The following BMP2K variants were observed in gnomAD, a reference collection of about 807,000 sequenced individuals.
BMP2K encodes BMP2 inducible kinase, also known as BMP-2-inducible protein kinase.
BMP2K carries 74 observed loss-of-function variants against 116.0 expected under a neutral mutation model. The ratio of observed to expected loss-of-function variants is 0.64; its 90% CI spans 0.53 to 0.77. BMP2K has a LOEUF of 0.77. Among genes scored for constraint, BMP2K ranks in the 30% least tolerant of loss-of-function variants. The pLI, the probability that BMP2K is intolerant of heterozygous loss-of-function variation, is 0.00. For synonymous variants in BMP2K, 486 were observed against 502.5 expected (o/e 0.97, Z 0.44); for missense variants, 1,365 against 1,403.6 (o/e 0.97, Z 0.44).
At chr4:78,898,403 GA>G (rs1008178571) in intron 15 of BMP2K, among the ~76,000 whole-genome samples, 3 of 151,786 alleles carry the variant, frequency 2.0e-5, no homozygotes, top group African/African-American at 4.8e-5. Context: ...TATGATTCTT[GA>G]AGAACTTCAG....
rs1734889760 is a variant in BMP2K at position 78,914,659 on chromosome 4, G to A, written c.*2626G>A. ...TCAATAAAAGTTTGGCTCTATTATG[G>A]GATGGTTCAATTCTGGTTTAAGGAA... On this transcript the variant is annotated 3_prime_UTR_variant, in exon 16 of 16. Transcript: ENST00000502613. The A allele has an allele frequency of 6.6e-6, 1 of 151,110 alleles. No individual in the cohort carries two copies. The highest frequency in any genetic ancestry group is 1.5e-5 in the Non-Finnish European group (1 of 67,746). 9.4% of individuals were successfully genotyped at this position (151,110 alleles called of 1,614,324 possible). A position where few individuals can be genotyped will look rare whatever the true frequency, so the allele number is the denominator to read the frequency against.
intron 2 of BMP2K, among the ~76,000 whole-genome samples, chr4:78,832,609 CTT>C (rs1730262932): frequency 6.6e-6 from 1 of 152,096 alleles, no homozygotes; most frequent in Admixed American, 6.5e-5. Context: ...CTCTAACTAA[CTT>C]GAGTCAAGAT....
intron 13 of BMP2K, among the ~76,000 whole-genome samples, chr4:78,873,267 T>A (rs951427982): frequency 1.9e-4 from 29 of 152,246 alleles, no homozygotes; most frequent in African/African-American, 6.5e-4. Context: ...ATAGTATACA[T>A]ACTGTTACCG....
At chr4:78,815,163 G>A (rs1729278545) in intron 1 of BMP2K, among the ~76,000 whole-genome samples, 1 of 152,142 alleles carries the variant, frequency 6.6e-6, no homozygotes, top group Non-Finnish European at 1.5e-5. Flanking sequence ...ACTATGGTCA[G>A]TCGAAACTAT....
chr4:78,807,874 G>A (rs977105796), intron 1 of BMP2K, among the ~76,000 whole-genome samples: 4 of 151,864 alleles, frequency 2.6e-5, no homozygotes, highest in African/African-American at 4.8e-5. Context: ...TTTTATTCCT[G>A]ATTATATTAA....
intron 9 of BMP2K, among the ~76,000 whole-genome samples, chr4:78,864,632 A>T (rs187581371): frequency 1.5e-4 from 23 of 151,940 alleles, no homozygotes; most frequent in African/African-American, 5.3e-4. Context: ...AGATATTGGG[A>T]AATAACTGGA....
intron 14 of BMP2K, among the ~76,000 whole-genome samples, chr4:78,883,181 A>G (rs1179612206): frequency 3.3e-5 from 5 of 152,122 alleles, no homozygotes; most frequent in Non-Finnish European, 5.9e-5. Flanking sequence ...GGCAGGAGGT[A>G]AGTTTCTCAT....
chr4:78,801,249 A>G (rs1560505472), intron 1 of BMP2K, among the ~76,000 whole-genome samples: 1 of 152,054 alleles, frequency 6.6e-6, no homozygotes, highest in South Asian at 2.1e-4. Context: ...TCTTGTTTGA[A>G]TAGGTGGCCC....
chr4:78,828,293 G>A (rs1249310983), intron 2 of BMP2K, among the ~76,000 whole-genome samples: 1 of 152,184 alleles, frequency 6.6e-6, no homozygotes, highest in South Asian at 2.1e-4. Context: ...TAAAGATATT[G>A]CAAAGGGTAC....
In BMP2K at chr4:78,865,650, G is replaced by A. The variant is rs766216467; in HGVS notation, c.1161G>A (p.Leu387=). The change falls in exon 10 of 16, where the codon CTG becomes CTA. Residue 387 remains leucine, a synonymous_variant. Transcript: ENST00000502613. Reference sequence around the variant, plus strand: ...CTACTACTGCCACTCCCAGTGTGCTGACCATTCAAAGTTCAGCAACACCTG... The same window carrying A: ...CTACTACTGCCACTCCCAGTGTGCTAACCATTCAAAGTTCAGCAACACCTG... ...NSATTATPSV[L]TIQSSATPVK... 3 of 1,614,124 alleles carry A rather than the reference G, an allele frequency of 1.9e-6. No homozygotes were observed. The highest frequency in any genetic ancestry group is 1.1e-5 in the South Asian group (1 of 91,074).
At chr4:78,818,755 G>A (rs1729474166) in intron 1 of BMP2K, among the ~76,000 whole-genome samples, 1 of 147,840 alleles carries the variant, frequency 6.8e-6, no homozygotes, top group African/African-American at 2.5e-5. Flanking sequence ...TTTAGAATGT[G>A]TAGTTTAACT....
intron 7 of BMP2K, among the ~76,000 whole-genome samples, chr4:78,858,782 AG>A (rs1560532040): frequency 7.4e-5 from 8 of 107,860 alleles, no homozygotes; most frequent in African/African-American, 7.3e-4. Context: ...ATAACAACTT[AG>A]AGTTAATGAA....
chr4:78,818,465 G>A (rs1466705022), intron 1 of BMP2K, among the ~76,000 whole-genome samples: 1 of 152,174 alleles, frequency 6.6e-6, no homozygotes, highest in Non-Finnish European at 1.5e-5. Context: ...TCTGACTGGC[G>A]TGAGATGGTA....
At position 78,776,645 on chromosome 4, in the gene BMP2K, C is replaced by G; in HGVS notation, c.102C>G (p.Ser34=). 4 of 1,222,194 alleles carry G rather than the reference C, an allele frequency of 3.3e-6. No homozygotes were observed. Among genetic ancestry groups the G allele is most frequent in the Non-Finnish European group, 4.1e-6 (4 of 977,804 alleles). 75.7% of individuals were successfully genotyped at this position (1,222,194 alleles called of 1,614,324 possible). A position where few individuals can be genotyped will look rare whatever the true frequency, so the allele number is the denominator to read the frequency against. Residue 34 remains serine, a synonymous_variant, in exon 1 of 16, where the codon TCC becomes TCG. Coordinates refer to ENST00000502613, the MANE Select transcript of BMP2K (RefSeq NM_198892.2). ...GGAGAGAGCG[S]GGSSVGVRVF... ...CCGGGGCCGGGGCCGGCTGCGGCTC[C>G]GGCGGCTCGTCCGTGGGGGTCCGGG...
chr4:78,877,788 T>C (rs1732701251), intron 13 of BMP2K, among the ~76,000 whole-genome samples: 1 of 152,224 alleles, frequency 6.6e-6, no homozygotes, highest in Non-Finnish European at 1.5e-5. Context: ...TGTGTTCAAA[T>C]CAGCATCACC....
intron 6 of BMP2K, among the ~76,000 whole-genome samples, chr4:78,848,380 A>G (rs1262826045): frequency 6.6e-6 from 1 of 151,570 alleles, no homozygotes; most frequent in Non-Finnish European, 1.5e-5. Flanking sequence ...TATAGTAAAG[A>G]TGAAGGTTAT....
At chr4:78,793,876 A>G (rs1224299361) in intron 1 of BMP2K, among the ~76,000 whole-genome samples, 1 of 150,700 alleles carries the variant, frequency 6.6e-6, no homozygotes, top group Admixed American at 6.6e-5. Context: ...TTTTTTTTTT[A>G]CCTTGTTAAT....
At position 78,827,368 on chromosome 4, in the gene BMP2K, C is replaced by T. The variant is rs1009640635; in HGVS notation, c.297+1213C>T. Among the ~76,000 whole-genome samples, 14 of 152,298 alleles carry T rather than the reference C, an allele frequency of 9.2e-5. No individual in the cohort carries two copies. The South Asian group carries it at 1.2e-3, about 14-fold the overall frequency. On this transcript the variant is annotated intron_variant, in intron 2 of 15. Transcript: ENST00000502613. ...CCCTGAGGGCTACCAGCATCAGTCTCACTTGCCAGCTATGTTCAGGGTCTT... is the reference window on the plus strand; with the variant it reads ...CCCTGAGGGCTACCAGCATCAGTCTTACTTGCCAGCTATGTTCAGGGTCTT...
chr4:78,799,651 A>T (rs1167260726), intron 1 of BMP2K, among the ~76,000 whole-genome samples: 1 of 152,226 alleles, frequency 6.6e-6, no homozygotes, highest in Admixed American at 6.5e-5. Context: ...AGTACGTAAG[A>T]TGTTTGTAAG....
Sources: allele counts gnomAD v4.1 joint callset (sites outside exome capture counted in the v4.1 genomes callset), GRCh38; gene constraint gnomAD v4.1.1; transcripts MANE v1.5; gene names NCBI Gene and HGNC (gene_info 2026-07-23, HGNC 2026-07-21).